The following GRM5 variants were observed in gnomAD, a reference collection of about 807,000 sequenced individuals.
GRM5 encodes glutamate metabotropic receptor 5.
A neutral mutation model predicts 83.1 loss-of-function variants in GRM5; 19 were observed. The observed-to-expected ratio is 0.23, with a 90% CI of 0.16 to 0.34. The LOEUF (loss-of-function observed/expected upper bound fraction) is 0.34. Among genes scored for constraint, GRM5 ranks in the 10% least tolerant of loss-of-function variants. The probability of loss-of-function intolerance (pLI) is 1.00; values close to 1 mark genes in which losing one functional copy is unlikely to be tolerated. For missense variants in GRM5, 1,160 were observed against 1,588.3 expected, an observed-to-expected ratio of 0.73 and a Z score of 4.58; for synonymous variants, 675 against 633.6, an observed-to-expected ratio of 1.07 and a Z score of -0.98.
chr11:88,762,100 G>C (rs1942530603), intron 3 of GRM5, among the ~76,000 whole-genome samples: 1 of 151,882 alleles, frequency 6.6e-6, no homozygotes, highest in Non-Finnish European at 1.5e-5. Context: ...ATACAACCTA[G>C]GTAATACCAT....
At chr11:88,777,142 T>C (rs1016512695) in intron 3 of GRM5, among the ~76,000 whole-genome samples, 1 of 152,214 alleles carries the variant, frequency 6.6e-6, no homozygotes, top group African/African-American at 2.4e-5. Context: ...TCATTTCTTT[T>C]TACTCCTTCT....
intron 2 of GRM5, among the ~76,000 whole-genome samples, chr11:88,980,779 C>G (rs1364444256): frequency 6.6e-6 from 1 of 151,916 alleles, no homozygotes; most frequent in Non-Finnish European, 1.5e-5. Flanking sequence ...GCCGAAATCT[C>G]ACCACTGCAC....
intron 8 of GRM5, among the ~76,000 whole-genome samples, chr11:88,564,790 T>G (rs1446204183): frequency 6.6e-6 from 1 of 152,200 alleles, no homozygotes; most frequent in African/African-American, 2.4e-5. Flanking sequence ...AGGAGCTTGC[T>G]CTGCTTAAAT....
At chr11:88,822,253 G>A (rs141615133) in intron 3 of GRM5, among the ~76,000 whole-genome samples, 221 of 152,188 alleles carry the variant, frequency 1.5e-3, no homozygotes, top group African/African-American at 5.1e-3. Flanking sequence ...CTTTGATATT[G>A]ACCTATTGTG....
At chr11:89,005,321 T>G (rs577042301) in intron 2 of GRM5, among the ~76,000 whole-genome samples, 1 of 152,244 alleles carries the variant, frequency 6.6e-6, no homozygotes, top group African/African-American at 2.4e-5. Flanking sequence ...ACATTTCATA[T>G]CGGGAAGGAA....
intron 9 of GRM5, among the ~76,000 whole-genome samples, chr11:88,515,724 A>T (rs192990753): frequency 6.6e-6 from 1 of 152,206 alleles, no homozygotes; most frequent in African/African-American, 2.4e-5. Context: ...CTTCTTTTTC[A>T]AAACAGGAAA....
At chr11:89,007,777 C>G (rs569455644) in intron 2 of GRM5, among the ~76,000 whole-genome samples, 1 of 152,238 alleles carries the variant, frequency 6.6e-6, no homozygotes, top group African/African-American at 2.4e-5. Context: ...TTAGAAGACT[C>G]TTATGAAATC....
chr11:88,864,746 A>G (rs1944631168), intron 2 of GRM5, among the ~76,000 whole-genome samples: 4 of 151,984 alleles, frequency 2.6e-5, no homozygotes, highest in Admixed American at 2.6e-4. Flanking sequence ...CTTGTGCAGG[A>G]TTTCAAATGG....
At chr11:88,700,743 T>A (rs1941013561) in intron 3 of GRM5, among the ~76,000 whole-genome samples, 1 of 152,042 alleles carries the variant, frequency 6.6e-6, no homozygotes, top group Non-Finnish European at 1.5e-5. Context: ...AGTGGTGACA[T>A]GTAGATGGGA....
chr11:88,987,559 G>T (rs1407935753), intron 2 of GRM5, among the ~76,000 whole-genome samples: 1 of 151,964 alleles, frequency 6.6e-6, no homozygotes, highest in Non-Finnish European at 1.5e-5. Flanking sequence ...TGGGGGCAGG[G>T]CACAGACAAA....
chr11:88,839,664 C>A (rs1944160851), intron 3 of GRM5, among the ~76,000 whole-genome samples: 1 of 152,110 alleles, frequency 6.6e-6, no homozygotes, highest in Non-Finnish European at 1.5e-5. Flanking sequence ...TCTCTCTTTA[C>A]CTCATTTTCC....
At chr11:89,031,362 T>G (rs958539533) in intron 2 of GRM5, among the ~76,000 whole-genome samples, 9 of 151,998 alleles carry the variant, frequency 5.9e-5, no homozygotes, top group African/African-American at 2.2e-4. Flanking sequence ...TATTTTTGTT[T>G]TTGTTGTTAT....
chr11:88,874,482 T>C (rs1040763040), intron 2 of GRM5, among the ~76,000 whole-genome samples: 3 of 151,824 alleles, frequency 2.0e-5, no homozygotes, highest in African/African-American at 7.2e-5. Flanking sequence ...AACTATGAGA[T>C]ACTAGAAGAA....
intron 3 of GRM5, among the ~76,000 whole-genome samples, chr11:88,808,201 A>G (rs1360550891): frequency 6.6e-6 from 1 of 152,028 alleles, no homozygotes; most frequent in Non-Finnish European, 1.5e-5. Context: ...GTTACTTGCT[A>G]TCTCATATTT....
chr11:88,829,344 C>T (rs1262220585), intron 3 of GRM5, among the ~76,000 whole-genome samples: 3 of 151,954 alleles, frequency 2.0e-5, no homozygotes, highest in Non-Finnish European at 4.4e-5. Context: ...GCCTATAATC[C>T]CAGCTGCTAG....
At chr11:89,002,019 C>T (rs1399080065) in intron 2 of GRM5, among the ~76,000 whole-genome samples, 4 of 152,082 alleles carry the variant, frequency 2.6e-5, no homozygotes, top group Non-Finnish European at 5.9e-5. Context: ...TTTTCTCCCC[C>T]TAGAGAGCTG....
chr11:88,715,002 C>T (rs1311040849), intron 3 of GRM5, among the ~76,000 whole-genome samples: 1 of 151,952 alleles, frequency 6.6e-6, no homozygotes, highest in Non-Finnish European at 1.5e-5. Flanking sequence ...GTCTGTACAT[C>T]ACTTGATGAA....
chr11:88,651,878 G>A (rs761633981), intron 4 of GRM5, among the ~76,000 whole-genome samples: 1 of 152,018 alleles, frequency 6.6e-6, no homozygotes, highest in Non-Finnish European at 1.5e-5. Flanking sequence ...AACCACCATT[G>A]ACTATCTCCA....
intron 9 of GRM5, among the ~76,000 whole-genome samples, chr11:88,517,212 C>T (rs1264526913): frequency 1.3e-5 from 2 of 151,474 alleles, no homozygotes; most frequent in East Asian, 3.9e-4. Context: ...AATATCTGTG[C>T]ATATGTGTTG....
Sources: gnomAD v4.1 joint callset for allele counts (sites outside exome capture counted in the v4.1 genomes callset) on GRCh38, gnomAD v4.1.1 for gene constraint, MANE v1.5 for transcripts, NCBI Gene and HGNC (gene_info 2026-07-23, HGNC 2026-07-21) for gene names.